The following FAR1 variants were observed in gnomAD, a reference collection of about 807,000 sequenced individuals.
FAR1 encodes fatty acyl-CoA reductase 1.
Under a neutral mutation model 61.1 loss-of-function variants are expected in FAR1, and 22 were observed. That is an observed-to-expected ratio of 0.36 (90% CI 0.26 to 0.51). The LOEUF is 0.51. Ranked by LOEUF, FAR1 falls within the 20% of genes least tolerant of loss-of-function variation. FAR1 has a pLI of 0.95. For synonymous variants in FAR1, 206 were observed against 209.7 expected (o/e 0.98, Z 0.15); for missense variants, 359 against 626.9 (o/e 0.57, Z 4.56).
chr11:13,691,749 A>G lies in FAR1; in HGVS notation c.-7-3010A>G, dbSNP rs1317624652. On this transcript the variant is annotated intron_variant, in intron 1 of 11. Transcript: ENST00000354817. ...TAGTATTCCATTGTATGTATAAACCACAATTTGTTTATTCATTTGCTGATT... is the reference window on the plus strand; with the variant it reads ...TAGTATTCCATTGTATGTATAAACCGCAATTTGTTTATTCATTTGCTGATT... 3.9e-5 allele frequency among the ~76,000 whole-genome samples: 6 copies of G among 152,198 alleles called. No homozygotes were observed. In the South Asian group the frequency reaches 8.3e-4, roughly 21 times the overall value.
intron 9 of FAR1, among the ~76,000 whole-genome samples, chr11:13,718,919 G>T (rs990807659): frequency 6.6e-6 from 1 of 152,110 alleles, no homozygotes; most frequent in African/African-American, 2.4e-5. Context: ...ATATGGACTA[G>T]TTTGAGCTTC....
At position 13,731,076 on chromosome 11, in the gene FAR1, A is replaced by T. The variant is rs921731034; in HGVS notation, c.*2302A>T. The T allele has an allele frequency of 2.0e-5, 3 of 152,206 alleles. No individual in the cohort carries two copies. In the East Asian group the frequency reaches 5.8e-4, roughly 29 times the overall value. The allele number at this position is 152,206 out of a possible 1,614,324, so 9.4% of individuals were successfully genotyped here. A position where few individuals can be genotyped will look rare whatever the true frequency, so the allele number is the denominator to read the frequency against. On this transcript the variant is annotated 3_prime_UTR_variant, in exon 12 of 12. Transcript: ENST00000354817. ...TAGCCTACTAAATTAAATGTTTCTT[A>T]TTTCACTTAACTCATTTGATTAAAC...
chr11:13,711,396 G>A (rs2134191991), intron 5 of FAR1, among the ~76,000 whole-genome samples: 1 of 152,188 alleles, frequency 6.6e-6, no homozygotes, highest in South Asian at 2.1e-4. Context: ...TTTTGAGGAG[G>A]ATTTACCATT....
At chr11:13,672,874 T>G in intron 1 of FAR1, among the ~76,000 whole-genome samples, 1 of 152,184 alleles carries the variant, frequency 6.6e-6, no homozygotes. Context: ...TAGAGTTTAA[T>G]ACATGAATTT....
At chr11:13,714,863 A>G (rs1292134929) in intron 9 of FAR1, among the ~76,000 whole-genome samples, 183 bp downstream of exon 9, 1 of 152,182 alleles carries the variant, frequency 6.6e-6, no homozygotes, top group Non-Finnish European at 1.5e-5. Flanking sequence ...AAGTCACTCT[A>G]ATTTGTTTAA....
intron 1 of FAR1, among the ~76,000 whole-genome samples, chr11:13,688,885 C>A (rs1848217794): frequency 6.6e-6 from 1 of 152,068 alleles, no homozygotes; most frequent in African/African-American, 2.4e-5. Flanking sequence ...ACCTTGAACT[C>A]CTGGGCTCAA....
intron 8 of FAR1, among the ~76,000 whole-genome samples, chr11:13,713,357 C>T (rs1848521428): frequency 6.6e-6 from 1 of 151,748 alleles, no homozygotes; most frequent in South Asian, 2.1e-4. Context: ...TTGTGAGCAC[C>T]CTCAGTCTTG....
In FAR1 at chr11:13,721,636, C is replaced by A; in HGVS notation, c.1128-94C>A. 1 of 892,144 alleles carries A rather than the reference C, an allele frequency of 1.1e-6. No homozygotes were observed. The highest frequency in any genetic ancestry group is 1.7e-6 in the Non-Finnish European group (1 of 586,940). The allele number at this position is 892,144 out of a possible 1,614,324, so 55.3% of individuals were successfully genotyped here. ...AATGTTATAATTTTAATACTAATGT[C>A]TATATTATAGGGGGAAACTTGCACC... On this transcript the variant is annotated intron_variant, in intron 9 of 11. Coordinates refer to ENST00000354817, the MANE Select transcript of FAR1 (RefSeq NM_032228.6). The surrounding 1 kb of genome is among the most constrained non-coding windows in gnomAD (Gnocchi z 4.2).
chr11:13,693,675 C>A (rs1411398197), intron 1 of FAR1, among the ~76,000 whole-genome samples: 2 of 152,196 alleles, frequency 1.3e-5, no homozygotes, highest in African/African-American at 4.8e-5. Flanking sequence ...GTAAAAAGAG[C>A]TCTTGCCTCA....
intron 2 of FAR1, among the ~76,000 whole-genome samples, chr11:13,699,608 G>A (rs1848347916): frequency 6.6e-6 from 1 of 152,066 alleles, no homozygotes; most frequent in East Asian, 1.9e-4. Flanking sequence ...TGTCAAATCT[G>A]GGATAAAAAG....
At chr11:13,707,779 A>T (rs140874930) in intron 3 of FAR1, 121 bp from the exon 4 acceptor site, 6 of 550,462 alleles carry the variant, frequency 1.1e-5, no homozygotes, top group Non-Finnish European at 1.7e-5. Flanking sequence ...CAGCTAAAGG[A>T]TAAGTTGTAA....
At chr11:13,696,375 G>A (rs1202325611) in intron 2 of FAR1, among the ~76,000 whole-genome samples, 2 of 152,142 alleles carry the variant, frequency 1.3e-5, no homozygotes, top group Non-Finnish European at 2.9e-5. Flanking sequence ...GGAAGGAAGA[G>A]GGAGTGATAG....
chr11:13,710,932 T>C (rs1182040632), intron 5 of FAR1, 62 bp downstream of exon 5: 8 of 1,415,702 alleles, frequency 5.7e-6, no homozygotes, highest in Non-Finnish European at 6.8e-6. Context: ...TAACTCTGTA[T>C]AAAAAGAGCT....
chr11:13,698,035 A>C (rs773485730), intron 2 of FAR1, among the ~76,000 whole-genome samples: 4 of 152,034 alleles, frequency 2.6e-5, no homozygotes, highest in Non-Finnish European at 5.9e-5. Context: ...TTCAGTTACT[A>C]CCTGTATGTG....
intron 1 of FAR1, among the ~76,000 whole-genome samples, chr11:13,682,005 AAAT>A (rs1225165599): frequency 6.6e-6 from 1 of 152,142 alleles, no homozygotes; most frequent in Non-Finnish European, 1.5e-5. Flanking sequence ...CTTTTCTGCA[AAAT>A]AATACAACCC....
intron 1 of FAR1, among the ~76,000 whole-genome samples, chr11:13,670,347 G>C (rs968950642): frequency 1.3e-5 from 2 of 152,164 alleles, no homozygotes; most frequent in African/African-American, 4.8e-5. Context: ...GGAGTGCAGT[G>C]ACGCGATCTT....
intron 1 of FAR1, among the ~76,000 whole-genome samples, chr11:13,688,978 TG>T (rs1848218467): frequency 6.6e-6 from 1 of 152,114 alleles, no homozygotes; most frequent in South Asian, 2.1e-4. Context: ...TTAGGCTTTT[TG>T]TCACTGAAAT....
chr11:13,689,980 A>G (rs554798123), intron 1 of FAR1, among the ~76,000 whole-genome samples: 5 of 151,472 alleles, frequency 3.3e-5, no homozygotes, highest in African/African-American at 9.7e-5. Flanking sequence ...GGCTCAAGCA[A>G]TTCTCCTGCC....
chr11:13,703,254 G>T (rs1021215163), intron 3 of FAR1, among the ~76,000 whole-genome samples: 5 of 152,092 alleles, frequency 3.3e-5, no homozygotes, highest in Non-Finnish European at 1.5e-5. Context: ...CACAATCATG[G>T]CTCACTGCAG....
Sources: gnomAD v4.1 joint callset for allele counts (sites outside exome capture counted in the v4.1 genomes callset) on GRCh38, gnomAD v4.1.1 for gene constraint, Gnocchi (gnomAD v3.1) non-coding constraint, MANE v1.5 for transcripts, NCBI Gene and HGNC (gene_info 2026-07-23, HGNC 2026-07-21) for gene names.